MECOM: variants seen among roughly 807,000 people sequenced by gnomAD.
MECOM encodes the protein histone-lysine N-methyltransferase MECOM.
In MECOM, 13 loss-of-function variants were observed where a neutral mutation model predicts 116.3. The observed-to-expected ratio is 0.11, with a 90% confidence interval of 0.07 to 0.18. The LOEUF (loss-of-function observed/expected upper bound fraction) is 0.18, where lower values mean the gene tolerates loss of function less well. Among genes scored for constraint, MECOM ranks in the 10% least tolerant of loss-of-function variants. The probability of loss-of-function intolerance (pLI) is 1.00; values close to 1 mark genes in which losing one functional copy is unlikely to be tolerated. For missense variants in MECOM, 1,299 were observed against 1,509.0 expected (o/e 0.86, Z 2.31); for synonymous variants, 528 against 535.2 (o/e 0.99, Z 0.19).
chr3:169,628,782 T>A (rs77152543), intron 1 of MECOM, among the ~76,000 whole-genome samples: 1 of 152,242 alleles, frequency 6.6e-6, no homozygotes, highest in East Asian at 1.9e-4. Flanking sequence ...GGGAGGAGCA[T>A]TCCCTGTCCA....
chr3:169,565,923 T>G (rs557151811), intron 1 of MECOM: 2 of 444,986 alleles, frequency 4.5e-6, no homozygotes, highest in South Asian at 3.2e-5. Context: ...TAAAGAACTA[T>G]GTGAGACTGG....
In MECOM at chr3:169,526,605, T is replaced by C. The variant is rs192620798; in HGVS notation, c.37+136731A>G. Among the ~76,000 whole-genome samples, 265 of 152,350 alleles carry C rather than the reference T, an allele frequency of 1.7e-3. 2 individuals carry two copies. Among genetic ancestry groups the C allele is most frequent in the African/African-American group, 6.1e-3 (255 of 41,588 alleles). On this transcript the variant is annotated intron_variant, in intron 1 of 16. Coordinates refer to ENST00000651503, the MANE Select transcript of MECOM (RefSeq NM_004991.4). ...AGATGAGTAAAGATTTTCAAATAAA[T>C]GCACAGCCTGCTTATATTATTCTCA...
intron 1 of MECOM, among the ~76,000 whole-genome samples, chr3:169,412,304 T>TA (rs1737687767): frequency 6.7e-6 from 1 of 149,762 alleles, no homozygotes; most frequent in South Asian, 2.1e-4. Flanking sequence ...AAAAAAGGAA[T>TA]AAATAAAAAT....
At chr3:169,615,475 T>C (rs1411186173) in intron 1 of MECOM, among the ~76,000 whole-genome samples, 1 of 152,262 alleles carries the variant, frequency 6.6e-6, no homozygotes. Flanking sequence ...TTTATTCATT[T>C]GATTGCAAAA....
At chr3:169,659,609 G>A (rs141230394) in intron 1 of MECOM, among the ~76,000 whole-genome samples, 1 of 152,056 alleles carries the variant, frequency 6.6e-6, no homozygotes, top group Non-Finnish European at 1.5e-5. Context: ...TCCGTTGGGA[G>A]AAGGATTTTC....
At chr3:169,184,116 G>A (rs1746409561) in intron 2 of MECOM, among the ~76,000 whole-genome samples, 1 of 151,986 alleles carries the variant, frequency 6.6e-6, no homozygotes, top group Non-Finnish European at 1.5e-5. Flanking sequence ...CACCTGCCTC[G>A]GCCTCCCAAA....
At position 169,364,732 on chromosome 3, in the gene MECOM, G is replaced by A. The variant is rs554774358; in HGVS notation, c.375+16455C>T. On this transcript the variant is annotated intron_variant, in intron 2 of 16. Transcript: ENST00000651503. ...TTCCAGATGGTCCTGCATCTTTATC[G>A]CTCCCAGGTTGGTGACATCACCTGT... Among the ~76,000 whole-genome samples, 8 of 151,958 alleles carry A rather than the reference G, an allele frequency of 5.3e-5. No individual in the cohort carries two copies. In the East Asian group the frequency reaches 1.4e-3, roughly 26 times the overall value.
intron 1 of MECOM, among the ~76,000 whole-genome samples, chr3:169,432,666 C>T (rs1741831489): frequency 6.6e-6 from 1 of 152,174 alleles, no homozygotes; most frequent in Non-Finnish European, 1.5e-5. Flanking sequence ...TTAGGCTATA[C>T]ATCTATTTCA....
At position 169,097,817 on chromosome 3, in the gene MECOM, T is replaced by TAAAAAAAA. The variant is rs539873617; in HGVS notation, c.2850-2580_2850-2573dup. On this transcript the variant is annotated intron_variant, in intron 12 of 16. Transcript: ENST00000651503. ...AACAGAGTGAGACCTACTGTCTATA[T>TAAAAAAAA]AAAAAAAAAAAAAAAAAAAAAAAGG... Among the ~76,000 whole-genome samples, 59 of 87,196 alleles carry TAAAAAAAA rather than the reference T, an allele frequency of 6.8e-4. 2 individuals are homozygous for TAAAAAAAA. The highest frequency in any genetic ancestry group is 1.6e-3 in the African/African-American group (41 of 25,396). 57.2% of individuals were successfully genotyped at this position (87,196 alleles called of 152,430 possible). A position where few individuals can be genotyped will look rare whatever the true frequency, so the allele number is the denominator to read the frequency against.
intron 1 of MECOM, among the ~76,000 whole-genome samples, chr3:169,514,842 C>A (rs1756428244): frequency 6.6e-6 from 1 of 152,180 alleles, no homozygotes; most frequent in South Asian, 2.1e-4. Flanking sequence ...TTTATAATAT[C>A]TGAGAGCCAG....
chr3:169,200,414 T>C (rs1298367041), intron 2 of MECOM, among the ~76,000 whole-genome samples: 1 of 151,396 alleles, frequency 6.6e-6, no homozygotes, highest in Non-Finnish European at 1.5e-5. Context: ...ATTTAATTAT[T>C]TTTTAATAAC....
intron 1 of MECOM, among the ~76,000 whole-genome samples, chr3:169,589,272 C>T (rs1297832659): frequency 6.6e-6 from 1 of 152,024 alleles, no homozygotes; most frequent in Non-Finnish European, 1.5e-5. Context: ...TTAACCTAGG[C>T]TGTCCGCTTC....
Position 169,607,139 on chromosome 3 carries a change from TA to T in MECOM, c.37+56196del, listed in dbSNP as rs758180313. Among the ~76,000 whole-genome samples the T allele has an allele frequency of 2.3e-3, 346 of 152,366 alleles. 2 individuals carry two copies. Among genetic ancestry groups the T allele is most frequent in the Non-Finnish European group, 3.8e-3 (256 of 68,032 alleles). On this transcript the variant is annotated intron_variant, in intron 1 of 16. Transcript: ENST00000651503. ...TTACGGAGGCAATATAATATCTTTA[TA>T]AATGAACAACACACTTGAAGCTGTT...
intron 2 of MECOM, among the ~76,000 whole-genome samples, chr3:169,204,482 T>C (rs1203833273): frequency 6.6e-6 from 1 of 152,186 alleles, no homozygotes; most frequent in African/African-American, 2.4e-5. Flanking sequence ...TTTTGTATAA[T>C]TGGAAACAGA....
chr3:169,639,892 A>T (rs541970894), intron 1 of MECOM, among the ~76,000 whole-genome samples: 1 of 152,350 alleles, frequency 6.6e-6, no homozygotes, highest in African/African-American at 2.4e-5. Flanking sequence ...TCAGTGAGTT[A>T]TGAAAAGTTT....
chr3:169,268,167 T>C (rs1316793486), intron 2 of MECOM, among the ~76,000 whole-genome samples: 2 of 152,174 alleles, frequency 1.3e-5, no homozygotes, highest in East Asian at 3.9e-4. Flanking sequence ...GGATGGAAAA[T>C]CTTTGATAGC....
At chr3:169,095,882 A>C (rs1177877577) in intron 12 of MECOM, among the ~76,000 whole-genome samples, 1 of 152,060 alleles carries the variant, frequency 6.6e-6, no homozygotes, top group Admixed American at 6.6e-5. Context: ...CTCTTTTTGG[A>C]ATGAAAGCAA....
intron 1 of MECOM, among the ~76,000 whole-genome samples, chr3:169,468,816 T>C (rs1407108572): frequency 6.6e-6 from 1 of 152,210 alleles, no homozygotes; most frequent in Non-Finnish European, 1.5e-5. Flanking sequence ...TACTTGATCT[T>C]ACTTCATGCA....
chr3:169,106,052 G>A (rs1162443296), intron 10 of MECOM, among the ~76,000 whole-genome samples: 3 of 152,120 alleles, frequency 2.0e-5, no homozygotes, highest in African/African-American at 7.2e-5. Context: ...ACAACACCAT[G>A]AATTATGTGA....
Sources: allele counts gnomAD v4.1 joint callset (sites outside exome capture counted in the v4.1 genomes callset), GRCh38; gene constraint gnomAD v4.1.1; transcripts MANE v1.5; gene names NCBI Gene and HGNC (gene_info 2026-07-23, HGNC 2026-07-21).